TMC1: variants seen among roughly 807,000 people sequenced by gnomAD.
TMC1 encodes transmembrane channel like 1, also known as transmembrane channel-like protein 1.
In TMC1, 84 loss-of-function variants were observed where a neutral mutation model predicts 105.8. The observed-to-expected ratio is 0.79, with a 90% CI of 0.67 to 0.95. The LOEUF (loss-of-function observed/expected upper bound fraction) is 0.95, where lower values mean the gene tolerates loss of function less well. Ranked by LOEUF, TMC1 falls within the 40% of genes least tolerant of loss-of-function variation. The pLI is 0.00. For missense variants in TMC1, 817 were observed against 914.1 expected (o/e 0.89, Z 1.37); for synonymous variants, 315 against 311.5 (o/e 1.01, Z -0.12).
At chr9:72,791,108 A>G (rs1348308607) in intron 15 of TMC1, among the ~76,000 whole-genome samples, 1 of 152,084 alleles carries the variant, frequency 6.6e-6, no homozygotes, top group Non-Finnish European at 1.5e-5. Flanking sequence ...CCTTTAGCCA[A>G]ATAATATCAT....
intron 4 of TMC1, among the ~76,000 whole-genome samples, chr9:72,634,501 G>A (rs1240828552): frequency 6.6e-6 from 1 of 152,170 alleles, no homozygotes; most frequent in African/African-American, 2.4e-5. Flanking sequence ...TACAAAGGCA[G>A]TTTCAGTCCC....
intron 2 of TMC1, among the ~76,000 whole-genome samples, chr9:72,610,578 T>C (rs904690064): frequency 6.6e-6 from 1 of 152,212 alleles, no homozygotes; most frequent in African/African-American, 2.4e-5. Context: ...AGCCTTTTGT[T>C]CTATTCAGGC....
intron 2 of TMC1, among the ~76,000 whole-genome samples, chr9:72,593,242 A>G (rs1391626172): frequency 1.3e-5 from 2 of 152,176 alleles, no homozygotes; most frequent in Non-Finnish European, 2.9e-5. Flanking sequence ...AGAAAACAGA[A>G]ACAGGCAAAA....
At position 72,754,875 on chromosome 9, in the gene TMC1, C is replaced by A; in HGVS notation, c.732C>A (p.Tyr244Ter). Residue 244 changes from tyrosine to a stop codon, truncating the protein, a stop_gained, in exon 12 of 24, where the codon TAC (tyrosine) becomes TAA (stop). Coordinates refer to ENST00000297784, the MANE Select transcript of TMC1 (RefSeq NM_138691.3). LOFTEE classifies it high-confidence loss of function. ...EASAANFGVL[Y>*]DFNGLAQYSV... ...CGGCAGCAAACTTTGGTGTGTTGTA[C>A]GACTTCAATGTAAGTGTCTCCACAC... 1 of 1,613,102 alleles carries A rather than the reference C, an allele frequency of 6.2e-7. No individual in the cohort carries two copies.
intron 1 of TMC1, among the ~76,000 whole-genome samples, chr9:72,543,435 C>T (rs138360901): frequency 8.5e-5 from 13 of 152,318 alleles, no homozygotes; most frequent in Non-Finnish European, 1.9e-4. Flanking sequence ...CATATTTTCA[C>T]TCTGACTCCC....
At chr9:72,627,893 A>G (rs1442133305) in intron 3 of TMC1, 28 bp from the exon 4 acceptor site, 11 of 379,720 alleles carry the variant, frequency 2.9e-5, no homozygotes, top group Admixed American at 1.1e-4. Context: ...AAAAATCTGT[A>G]TTGGATTTTT....
chr9:72,539,367 C>G (rs1823639479), intron 1 of TMC1, among the ~76,000 whole-genome samples: 1 of 152,158 alleles, frequency 6.6e-6, no homozygotes, highest in Non-Finnish European at 1.5e-5. Context: ...GATCGTGCCA[C>G]TGCATTCCAG....
At position 72,642,790 on chromosome 9, in the gene TMC1, A is replaced by C. The variant is rs576739747; in HGVS notation, c.-52-5807A>C. 5.3e-5 allele frequency among the ~76,000 whole-genome samples: 8 copies of C among 152,328 alleles called. No homozygotes were observed. In the South Asian group the frequency reaches 1.5e-3, roughly 28 times the overall value. Reference sequence around the variant, plus strand: ...TTCAGATGTAATAAATAAACCCTTTAAGTTCTATGAGTTTTAACAAACACC... The same window carrying C: ...TTCAGATGTAATAAATAAACCCTTTCAGTTCTATGAGTTTTAACAAACACC... On this transcript the variant is annotated intron_variant, in intron 4 of 23. Transcript: ENST00000297784.
At chr9:72,655,922 G>A in intron 5 of TMC1, 1 of 798,958 alleles carries the variant, frequency 1.3e-6, no homozygotes, top group South Asian at 1.3e-5. Context: ...GACTGAGCAA[G>A]TCAATGAGTC....
chr9:72,711,116 C>T (rs999711157), intron 8 of TMC1, among the ~76,000 whole-genome samples: 2 of 152,216 alleles, frequency 1.3e-5, no homozygotes, highest in Non-Finnish European at 2.9e-5. Context: ...TTTATGGCTG[C>T]ATAGTATTCC....
chr9:72,814,055 A>C (rs999563543), intron 18 of TMC1, among the ~76,000 whole-genome samples: 11 of 152,200 alleles, frequency 7.2e-5, no homozygotes, highest in African/African-American at 2.7e-4. Context: ...AATGACCCTC[A>C]GGAGCTCTAT....
At chr9:72,636,500 C>T (rs1378791569) in intron 4 of TMC1, among the ~76,000 whole-genome samples, 1 of 151,884 alleles carries the variant, frequency 6.6e-6, no homozygotes, top group Non-Finnish European at 1.5e-5. Context: ...AGTTCGAGAC[C>T]AGCCTGGCCA....
At chr9:72,686,925 C>G (rs1026668030) in intron 5 of TMC1, among the ~76,000 whole-genome samples, 1 of 152,154 alleles carries the variant, frequency 6.6e-6, no homozygotes, top group Non-Finnish European at 1.5e-5. Flanking sequence ...TATTTATAAA[C>G]TATTCCTTCT....
At chr9:72,609,561 A>C (rs753720442) in intron 2 of TMC1, among the ~76,000 whole-genome samples, 38 of 149,246 alleles carry the variant, frequency 2.5e-4, no homozygotes, top group Non-Finnish European at 4.3e-4. Flanking sequence ...ACAACAACAA[A>C]AACAAACTGG....
intron 5 of TMC1, among the ~76,000 whole-genome samples, chr9:72,658,348 A>AT (rs1258356708): frequency 6.6e-6 from 1 of 151,876 alleles, no homozygotes; most frequent in Non-Finnish European, 1.5e-5. Context: ...AAAAAAAAAA[A>AT]CTATGGTTGT....
chr9:72,689,772 T>C (rs1454268912), intron 6 of TMC1, among the ~76,000 whole-genome samples: 2 of 152,138 alleles, frequency 1.3e-5, no homozygotes, highest in African/African-American at 4.8e-5. Flanking sequence ...TGTTCTTTTT[T>C]AGCTACCATT....
intron 17 of TMC1, among the ~76,000 whole-genome samples, chr9:72,799,033 C>T (rs535475656): frequency 6.6e-6 from 1 of 152,120 alleles, no homozygotes; most frequent in Non-Finnish European, 1.5e-5. Context: ...TTTCATATGG[C>T]TTTCTATCCC....
intron 12 of TMC1, among the ~76,000 whole-genome samples, chr9:72,765,155 C>T (rs553601650): frequency 1.3e-5 from 2 of 152,218 alleles, no homozygotes; most frequent in East Asian, 3.9e-4. Context: ...GATTTAGAAC[C>T]CCAAATTAGC....
At chr9:72,785,851 T>C (rs1358761956) in intron 13 of TMC1, among the ~76,000 whole-genome samples, 1 of 152,220 alleles carries the variant, frequency 6.6e-6, no homozygotes, top group East Asian at 1.9e-4. Context: ...ACTAAAACCA[T>C]GGAAAAGAGA....
Sources: gnomAD v4.1 joint callset for allele counts (sites outside exome capture counted in the v4.1 genomes callset) on GRCh38, gnomAD v4.1.1 for gene constraint, MANE v1.5 for transcripts, NCBI Gene and HGNC (gene_info 2026-07-23, HGNC 2026-07-21) for gene names.